Variants in PNPLA6 observed in about 807,000 individuals in gnomAD.
The protein encoded by PNPLA6 is patatin-like phospholipase domain-containing protein 6.
Under a neutral mutation model 153.7 loss-of-function variants are expected in PNPLA6, and 105 were observed. That is an observed-to-expected ratio of 0.68 (90% CI 0.58 to 0.80). PNPLA6 has a LOEUF of 0.80. Ranked by LOEUF, PNPLA6 falls within the 30% of genes least tolerant of loss-of-function variation. The pLI, the probability that PNPLA6 is intolerant of heterozygous loss-of-function variation, is 0.00. For synonymous variants in PNPLA6, 825 were observed against 822.2 expected (o/e 1.00, Z -0.06); for missense variants, 1,423 against 1,919.3 (o/e 0.74, Z 4.83).
chr19:7,554,240 C>T lies in PNPLA6; in HGVS notation c.2433C>T (p.Ile811=). 6.2e-7 allele frequency: 1 copy of T among 1,614,142 alleles called. No homozygotes were observed. Among genetic ancestry groups the T allele is most frequent in the South Asian group, 1.1e-5 (1 of 91,086 alleles). Residue 811 remains isoleucine, a synonymous_variant, in exon 20 of 32, where the codon ATC becomes ATT. Coordinates refer to ENST00000600737, the MANE Select transcript of PNPLA6 (RefSeq NM_001166114.2). The part of the protein sequence containing the change: ...GPTLLLNSDI[I]RARLGASALD... ...CGCTACTCCTTAACAGTGACATCAT[C>T]CGGGCACGCCTGGGGGCCTCCGCAC...
In PNPLA6 at chr19:7,555,089, C is replaced by A. The variant is rs752461935; in HGVS notation, c.2817+14C>A. ...CCTGCCAAGCTGGTGAGGAGCGGGC[C>A]GGCCCCCACCTTCTAGGGGCGTGGC... On this transcript the variant is annotated intron_variant, in intron 22 of 31. Coordinates refer to ENST00000600737, the MANE Select transcript of PNPLA6 (RefSeq NM_001166114.2). The surrounding 1 kb of genome is among the most constrained non-coding windows in gnomAD (Gnocchi z 6.3). The A allele has an allele frequency of 2.5e-6, 4 of 1,591,212 alleles. No homozygotes were observed. The highest frequency in any genetic ancestry group is 2.5e-6 in the Non-Finnish European group (3 of 1,176,884).
In PNPLA6 at chr19:7,551,347, C is replaced by T. The variant is rs780822241; in HGVS notation, c.2185-15C>T. 4.7e-5 allele frequency: 76 copies of T among 1,613,348 alleles called. No individual in the cohort carries two copies. The highest frequency in any genetic ancestry group is 6.1e-5 in the Non-Finnish European group (72 of 1,179,586). ...TCCCAGGTCTCACTGAAATGCCGGC[C>T]TCCAACGCCCCCAGGTCGTGACCCG... On this transcript the variant is annotated splice_polypyrimidine_tract_variant and intron_variant, in intron 17 of 31. Coordinates refer to ENST00000600737, the MANE Select transcript of PNPLA6 (RefSeq NM_001166114.2).
At chr19:7,551,255 G>A (rs1439613506) in intron 17 of PNPLA6, 107 bp from the exon 18 acceptor site, 1 of 1,217,312 alleles carries the variant, frequency 8.2e-7, no homozygotes, top group East Asian at 2.4e-5. Flanking sequence ...TCTCGGGGGT[G>A]GGACCCAGGT....
rs556526493 is a variant in PNPLA6, at chr19:7,555,469, G to A, written c.2936+102G>A. The A allele has an allele frequency of 2.2e-6, 3 of 1,345,784 alleles. No homozygotes were observed. Among genetic ancestry groups the A allele is most frequent in the East Asian group, 4.9e-5 (2 of 40,418 alleles). 83.4% of individuals were successfully genotyped at this position (1,345,784 alleles called of 1,614,324 possible). Reference sequence around the variant, plus strand: ...CGGGGCCTGGGTGTTCGAGGGTGGAGCTTCCCCTCCGGGAGAGACCCCGTG... The same window carrying A: ...CGGGGCCTGGGTGTTCGAGGGTGGAACTTCCCCTCCGGGAGAGACCCCGTG... On this transcript the variant is annotated intron_variant, in intron 23 of 31. Transcript: ENST00000600737. The surrounding 1 kb of genome is among the most constrained non-coding windows in gnomAD (Gnocchi z 6.3).
intron 27 of PNPLA6, among the ~76,000 whole-genome samples, chr19:7,558,021 G>A (rs980913312): frequency 6.6e-6 from 1 of 152,206 alleles, no homozygotes; most frequent in Non-Finnish European, 1.5e-5. Flanking sequence ...AGATGAACAC[G>A]TGTGTCAGTG....
chr19:7,543,264 C>G (rs1444443731), intron 13 of PNPLA6, among the ~76,000 whole-genome samples, 180 bp downstream of exon 13: 1 of 152,174 alleles, frequency 6.6e-6, no homozygotes, highest in East Asian at 1.9e-4. Context: ...CCCCCTAACC[C>G]CACCCTATGT....
chr19:7,542,752 C>G lies in PNPLA6; in HGVS notation c.1363-9C>G. The G allele has an allele frequency of 6.2e-7, 1 of 1,612,918 alleles. No individual in the cohort carries two copies. Among genetic ancestry groups the G allele is most frequent in the Non-Finnish European group, 8.5e-7 (1 of 1,179,910 alleles). ...GAGCATCAGGAGGTCACAAGCCTGC[C>G]CCACTCAGACCCCCACTCAGGAGCC... is the stretch of plus-strand genomic sequence containing the variant. On this transcript the variant is annotated splice_polypyrimidine_tract_variant and intron_variant, in intron 11 of 31. Transcript: ENST00000600737.
chr19:7,541,154 G>A lies in PNPLA6; in HGVS notation c.924+103G>A. Reference sequence around the variant, plus strand: ...GAGGCCCAGCAGCCAGCAGGCGCTGGAGCTGTGGTTATCGGCCTGGAGCAG... The same window carrying A: ...GAGGCCCAGCAGCCAGCAGGCGCTGAAGCTGTGGTTATCGGCCTGGAGCAG... On this transcript the variant is annotated intron_variant, in intron 7 of 31. Transcript: ENST00000600737. The surrounding 1 kb of genome is among the most constrained non-coding windows in gnomAD (Gnocchi z 5.2). The A allele has an allele frequency of 7.2e-7, 1 of 1,397,848 alleles. No individual in the cohort carries two copies. The highest frequency in any genetic ancestry group is 9.9e-7 in the Non-Finnish European group (1 of 1,007,720). The allele number at this position is 1,397,848 out of a possible 1,614,324, so 86.6% of individuals were successfully genotyped here.
At position 7,559,169 on chromosome 19, in the gene PNPLA6, G is replaced by A; in HGVS notation, c.3699+18G>A. 1 of 1,609,936 alleles carries A rather than the reference G, an allele frequency of 6.2e-7. No homozygotes were observed. Among genetic ancestry groups the A allele is most frequent in the South Asian group, 1.1e-5 (1 of 90,998 alleles). On this transcript the variant is annotated intron_variant, in intron 28 of 31. Coordinates refer to ENST00000600737, the MANE Select transcript of PNPLA6 (RefSeq NM_001166114.2). ...AGATCTATGTGAGTGGGCAGGAGTG[G>A]CATGGTGCCTGCATAGGTGGTCCGG...
At position 7,541,261 on chromosome 19, in the gene PNPLA6, C is replaced by T. The variant is rs1403166556; in HGVS notation, c.925-93C>T. 1 of 1,235,802 alleles carries T rather than the reference C, an allele frequency of 8.1e-7. No individual in the cohort carries two copies. Among genetic ancestry groups the T allele is most frequent in the South Asian group, 1.3e-5 (1 of 79,132 alleles). 76.6% of individuals were successfully genotyped at this position (1,235,802 alleles called of 1,614,324 possible). A position where few individuals can be genotyped will look rare whatever the true frequency, so the allele number is the denominator to read the frequency against. ...CTGTGGGTCTCTCCCTGGTTCCCGC[C>T]CGACCCCTTATGCTGCGAACTAGCC... On this transcript the variant is annotated intron_variant, in intron 7 of 31. Transcript: ENST00000600737. This position sits in a 1 kb window ranked among gnomAD's most constrained non-coding sequence, Gnocchi z 5.2.
chr19:7,550,187 C>T, intron 14 of PNPLA6, 75 bp downstream of exon 14: 1 of 1,607,600 alleles, frequency 6.2e-7, no homozygotes, highest in Non-Finnish European at 8.5e-7. Context: ...GAACCCCATC[C>T]CTCAACCTCA....
intron 16 of PNPLA6, 33 bp from the exon 17 acceptor site, chr19:7,550,961 C>A: frequency 6.9e-7 from 1 of 1,447,766 alleles, no homozygotes. Context: ...ATTCCCCACC[C>A]AAGCAGCCCC....
chr19:7,558,912 G>A lies in PNPLA6; in HGVS notation c.3460G>A (p.Glu1154Lys), dbSNP rs2023997505. The change falls in exon 28 of 32, where the codon GAG (glutamate) becomes AAG (lysine). Residue 1154 changes from glutamate (E) to lysine (K), a missense_variant. By Grantham distance (56) the Glu-to-Lys change is moderately conservative. Coordinates refer to ENST00000600737, the MANE Select transcript of PNPLA6 (RefSeq NM_001166114.2). ...CGCCATTGACGTGGGGAGCCAGGATGAGACGGACCTCAGCACCTACGGGGA... is the reference window on the plus strand; with the variant it reads ...CGCCATTGACGTGGGGAGCCAGGATAAGACGGACCTCAGCACCTACGGGGA... ...VIAIDVGSQD[E>K]TDLSTYGDSL... 1 of 1,614,074 alleles carries A rather than the reference G, an allele frequency of 6.2e-7. No individual in the cohort carries two copies. Among genetic ancestry groups the A allele is most frequent in the Non-Finnish European group, 8.5e-7 (1 of 1,180,028 alleles).
Position 7,561,087 on chromosome 19 carries a change from A to G in PNPLA6, c.3890A>G (p.Tyr1297Cys). 1.2e-6 allele frequency: 2 copies of G among 1,612,648 alleles called. No individual in the cohort carries two copies. Among genetic ancestry groups the G allele is most frequent in the Non-Finnish European group, 1.7e-6 (2 of 1,179,548 alleles). The change falls in exon 30 of 32, where the codon TAT (tyrosine) becomes TGT (cysteine). Residue 1297 changes from tyrosine (Y) to cysteine (C), a missense_variant. Coordinates refer to ENST00000600737, the MANE Select transcript of PNPLA6 (RefSeq NM_001166114.2). ...IVSRIEPPTS[Y>C]VSDGCADGEE... The stretch of plus-strand genomic sequence containing the variant: ...TCCCGGATTGAGCCCCCCACGAGCT[A>G]TGTCTCTGATGGCTGTGCTGACGGT...
rs752252038 is a variant in PNPLA6, at chr19:7,560,615, G to A, written c.3700-33G>A. 1.6e-5 allele frequency: 23 copies of A among 1,407,724 alleles called. No individual in the cohort carries two copies. In the South Asian group the frequency reaches 2.6e-4, roughly 16 times the overall value. The allele number at this position is 1,407,724 out of a possible 1,614,324, so 87.2% of individuals were successfully genotyped here. ...GAGTGGGGACAAGCAAAGCAGGGTT[G>A]CAGACATGGACCCAGCCCCTCATTT... is the stretch of plus-strand genomic sequence containing the variant. On this transcript the variant is annotated intron_variant, in intron 28 of 31. Transcript: ENST00000600737.
chr19:7,552,272 A>C (rs369134405), intron 18 of PNPLA6, among the ~76,000 whole-genome samples: 22 of 152,260 alleles, frequency 1.4e-4, no homozygotes, highest in African/African-American at 5.3e-4. Context: ...CTAGAACAGA[A>C]TGGGGCGTGC....
chr19:7,557,872 G>GGT (rs2023953461), intron 27 of PNPLA6, among the ~76,000 whole-genome samples: 1 of 152,056 alleles, frequency 6.6e-6, no homozygotes, highest in South Asian at 2.1e-4. Flanking sequence ...AAGAGGGACA[G>GGT]GTGCACACGT....
rs1012434444 is a variant in PNPLA6, at chr19:7,540,763, G to T, written c.795+53G>T. The stretch of plus-strand genomic sequence containing the variant: ...GGCTGGGGTGCAAGGTCCCACCCAA[G>T]GGACTAGGTTGAAGGAAATCACAGG... On this transcript the variant is annotated intron_variant, in intron 6 of 31. Coordinates refer to ENST00000600737, the MANE Select transcript of PNPLA6 (RefSeq NM_001166114.2). The surrounding 1 kb of genome is among the most constrained non-coding windows in gnomAD (Gnocchi z 6.8). The T allele has an allele frequency of 1.5e-5, 24 of 1,549,942 alleles. No individual in the cohort carries two copies. The highest frequency in any genetic ancestry group is 2.1e-5 in the Non-Finnish European group (24 of 1,121,520).
chr19:7,550,272 C>T (rs747274660), intron 14 of PNPLA6, 26 bp from the exon 15 acceptor site: 1 of 1,612,942 alleles, frequency 6.2e-7, no homozygotes, highest in South Asian at 1.1e-5. Context: ...AGGCCTTCCT[C>T]TTTCATCCCA....
Sources: allele counts gnomAD v4.1 joint callset (sites outside exome capture counted in the v4.1 genomes callset), GRCh38; gene constraint gnomAD v4.1.1; non-coding constraint Gnocchi (gnomAD v3.1); transcripts MANE v1.5; gene names NCBI Gene and HGNC (gene_info 2026-07-23, HGNC 2026-07-21).